Variants in CAMKMT observed in about 807,000 individuals in gnomAD.
The protein encoded by CAMKMT is calmodulin-lysine N-methyltransferase.
Under a neutral mutation model 48.0 loss-of-function variants are expected in CAMKMT, and 53 were observed. The observed-to-expected ratio is 1.10, with a 90% CI of 0.89 to 1.39. The LOEUF (loss-of-function observed/expected upper bound fraction) is 1.39. CAMKMT is among the 40% of genes most tolerant of loss of function. CAMKMT has a pLI of 0.00. For missense variants in CAMKMT, 428 were observed against 402.7 expected (o/e 1.06, Z -0.54); for synonymous variants, 165 against 152.3 (o/e 1.08, Z -0.61).
chr2:44,723,629 T>C (rs1678610037), intron 7 of CAMKMT: 1 of 149,362 alleles, frequency 6.7e-6, no homozygotes, highest in African/African-American at 2.5e-5. Flanking sequence ...AATAAATAAA[T>C]AAATAAATAA....
chr2:44,515,224 A>G (rs1572692711), intron 3 of CAMKMT, among the ~76,000 whole-genome samples: 1 of 152,228 alleles, frequency 6.6e-6, no homozygotes, highest in East Asian at 1.9e-4. Context: ...GGTTTGATAT[A>G]CTGCCAGATC....
chr2:44,562,851 G>T (rs1052058255), intron 3 of CAMKMT, among the ~76,000 whole-genome samples: 1 of 152,168 alleles, frequency 6.6e-6, no homozygotes, highest in Admixed American at 6.5e-5. Context: ...GTGAGCCACA[G>T]TGCCCGGCCC....
At chr2:44,412,970 G>T (rs1021189434) in intron 3 of CAMKMT, among the ~76,000 whole-genome samples, 3 of 151,858 alleles carry the variant, frequency 2.0e-5, no homozygotes, top group African/African-American at 7.3e-5. Flanking sequence ...CAGCTATTAG[G>T]GGGGCGGAGG....
chr2:44,402,740 G>GTTTTTTTTTTTTTT, intron 3 of CAMKMT, among the ~76,000 whole-genome samples: 11 of 94,090 alleles, frequency 1.2e-4, no homozygotes, highest in Non-Finnish European at 2.4e-4. Context: ...TTGTTTTGCT[G>GTTTTTTTTTTTTTT]TTTTTTTTTT....
chr2:44,675,997 C>T (rs1169937558), intron 3 of CAMKMT, among the ~76,000 whole-genome samples: 1 of 152,172 alleles, frequency 6.6e-6, no homozygotes, highest in Non-Finnish European at 1.5e-5. Flanking sequence ...GTAACATGTG[C>T]CAGAATTTCT....
chr2:44,623,736 C>T (rs1308168037), intron 3 of CAMKMT, among the ~76,000 whole-genome samples: 1 of 152,130 alleles, frequency 6.6e-6, no homozygotes, highest in African/African-American at 2.4e-5. Context: ...GTAAACACCA[C>T]TCCAATCAAG....
At chr2:44,393,009 G>A (rs542661019) in intron 3 of CAMKMT, among the ~76,000 whole-genome samples, 106 of 152,186 alleles carry the variant, frequency 7.0e-4, no homozygotes, top group Middle Eastern at 3.4e-3. Flanking sequence ...ACATTTTCTA[G>A]TCACAAAAAC....
At chr2:44,435,168 A>G (rs1339572809) in intron 3 of CAMKMT, among the ~76,000 whole-genome samples, 2 of 152,218 alleles carry the variant, frequency 1.3e-5, no homozygotes, top group Non-Finnish European at 2.9e-5. Flanking sequence ...CCTCGATTTT[A>G]TAAAAACCAC....
chr2:44,403,553 C>G (rs1470134735), intron 3 of CAMKMT, among the ~76,000 whole-genome samples: 1 of 152,192 alleles, frequency 6.6e-6, no homozygotes, highest in East Asian at 1.9e-4. Flanking sequence ...CTTCTCACTA[C>G]TGCTGATTTA....
At chr2:44,416,568 A>ATTTTT (rs34882377) in intron 3 of CAMKMT, among the ~76,000 whole-genome samples, 58 of 80,236 alleles carry the variant, frequency 7.2e-4, no homozygotes, top group Middle Eastern at 0.01. Flanking sequence ...ACTTAGCATG[A>ATTTTT]TTTTTTTTTT....
At chr2:44,543,898 T>C (rs1008190224) in intron 3 of CAMKMT, among the ~76,000 whole-genome samples, 1 of 152,164 alleles carries the variant, frequency 6.6e-6, no homozygotes, top group Non-Finnish European at 1.5e-5. Flanking sequence ...TCAAAGTTAA[T>C]GTAGGATAAC....
At chr2:44,647,907 C>CAAAAAAAAAAAAA (rs756753917) in intron 3 of CAMKMT, among the ~76,000 whole-genome samples, 10 of 29,520 alleles carry the variant, frequency 3.4e-4, no homozygotes, top group Non-Finnish European at 5.6e-4. Flanking sequence ...GACTCCGTCT[C>CAAAAAAAAAAAAA]AAAAAAAAAA....
chr2:44,512,125 A>C (rs1234713702), intron 3 of CAMKMT, among the ~76,000 whole-genome samples: 1 of 152,180 alleles, frequency 6.6e-6, no homozygotes, highest in Non-Finnish European at 1.5e-5. Flanking sequence ...CCACTTACCA[A>C]GGAACTCAGA....
chr2:44,633,024 CCTGA>C (rs1471522519), intron 3 of CAMKMT, among the ~76,000 whole-genome samples: 2 of 151,974 alleles, frequency 1.3e-5, no homozygotes, highest in African/African-American at 4.8e-5. Flanking sequence ...TCTAGAGAAC[CCTGA>C]CTAACACAAG....
At chr2:44,686,740 T>A (rs1328443861) in intron 3 of CAMKMT, among the ~76,000 whole-genome samples, 7 of 152,248 alleles carry the variant, frequency 4.6e-5, no homozygotes, top group Admixed American at 3.3e-4. Flanking sequence ...CCTGAGAAGC[T>A]GATGACTAAC....
chr2:44,766,160 C>A (rs898908544), intron 9 of CAMKMT, among the ~76,000 whole-genome samples: 3 of 152,192 alleles, frequency 2.0e-5, no homozygotes, highest in African/African-American at 2.4e-5. Flanking sequence ...GTTCGGAACA[C>A]CGGCTTTCAA....
intron 3 of CAMKMT, among the ~76,000 whole-genome samples, chr2:44,536,739 C>T (rs1194198591): frequency 6.6e-6 from 1 of 152,126 alleles, no homozygotes; most frequent in African/African-American, 2.4e-5. Context: ...AAGCTGGAGG[C>T]ATCATACTAC....
chr2:44,380,352 C>T (rs181663805), intron 2 of CAMKMT, among the ~76,000 whole-genome samples: 27 of 152,104 alleles, frequency 1.8e-4, no homozygotes, highest in African/African-American at 6.5e-4. Context: ...AGTATGTTGG[C>T]AAAAAATCGT....
intron 7 of CAMKMT, among the ~76,000 whole-genome samples, chr2:44,729,722 C>T (rs1407600461): frequency 6.6e-6 from 1 of 151,888 alleles, no homozygotes; most frequent in Non-Finnish European, 1.5e-5. Flanking sequence ...GCCGCTACAG[C>T]CAAGAAAGAA....
Sources: gnomAD v4.1 joint callset for allele counts (sites outside exome capture counted in the v4.1 genomes callset) on GRCh38, gnomAD v4.1.1 for gene constraint, MANE v1.5 for transcripts, NCBI Gene and HGNC (gene_info 2026-07-23, HGNC 2026-07-21) for gene names.